The following TCF4 variants were observed in gnomAD, a reference collection of about 807,000 sequenced individuals.
The protein encoded by TCF4 is transcription factor 4, also known as SL3-3 enhancer factor 2.
A neutral mutation model predicts 82.1 loss-of-function variants in TCF4; 3 were observed. That is an observed-to-expected ratio of 0.04 (90% CI 0.02 to 0.09). The LOEUF (loss-of-function observed/expected upper bound fraction) is 0.09. Among genes scored for constraint, TCF4 ranks in the 10% least tolerant of loss-of-function variants. The pLI, the probability that TCF4 is intolerant of heterozygous loss-of-function variation, is 1.00. For synonymous variants in TCF4, 276 were observed against 309.6 expected (o/e 0.89, Z 1.14); for missense variants, 518 against 852.7 (o/e 0.61, Z 4.89).
intron 10 of TCF4, among the ~76,000 whole-genome samples, chr18:55,272,226 G>A (rs1179226941): frequency 6.6e-6 from 1 of 152,022 alleles, no homozygotes; most frequent in African/African-American, 2.4e-5. Flanking sequence ...TATTTTTAGA[G>A]ACTCATAGAA....
At chr18:55,554,330 A>T (rs955636872) in intron 3 of TCF4, among the ~76,000 whole-genome samples, 1 of 152,010 alleles carries the variant, frequency 6.6e-6, no homozygotes, top group Admixed American at 6.6e-5. Flanking sequence ...AATTTGAAAA[A>T]ATTTAATTTA....
intron 3 of TCF4, among the ~76,000 whole-genome samples, chr18:55,562,917 G>C (rs1352625814): frequency 6.6e-6 from 1 of 151,922 alleles, no homozygotes; most frequent in Non-Finnish European, 1.5e-5. Context: ...TACATAGAAA[G>C]AAAACAGACT....
chr18:55,498,033 G>C (rs1267663688), intron 3 of TCF4, among the ~76,000 whole-genome samples: 1 of 152,196 alleles, frequency 6.6e-6, no homozygotes, highest in Non-Finnish European at 1.5e-5. Flanking sequence ...TGACACACGT[G>C]GCCATGGGCA....
intron 6 of TCF4, chr18:55,400,887 A>AT (rs1191220526): frequency 9.0e-7 from 1 of 1,110,322 alleles, no homozygotes; most frequent in Non-Finnish European, 1.2e-6. Flanking sequence ...TTATAATACG[A>AT]TAAAGCAGCT....
intron 3 of TCF4, among the ~76,000 whole-genome samples, chr18:55,584,984 T>C (rs1401119222): frequency 6.6e-6 from 1 of 152,224 alleles, no homozygotes; most frequent in Non-Finnish European, 1.5e-5. Context: ...ATTCCCCATG[T>C]TAACACTGGT....
At chr18:55,286,796 C>T (rs1334303124) in intron 8 of TCF4, among the ~76,000 whole-genome samples, 1 of 152,174 alleles carries the variant, frequency 6.6e-6, no homozygotes, top group Non-Finnish European at 1.5e-5. Flanking sequence ...AAGAATCCTC[C>T]TTCACGTCCA....
chr18:55,494,201 A>C (rs1568220263), intron 3 of TCF4, among the ~76,000 whole-genome samples: 1 of 127,534 alleles, frequency 7.8e-6, no homozygotes, highest in Non-Finnish European at 1.8e-5. Flanking sequence ...AGGCATGTAC[A>C]ACCAGGAAGA....
chr18:55,249,701 T>A (rs942426464), intron 15 of TCF4, among the ~76,000 whole-genome samples: 1 of 152,144 alleles, frequency 6.6e-6, no homozygotes. Context: ...AATGAATAAA[T>A]AGACTTTAAA....
intron 6 of TCF4, among the ~76,000 whole-genome samples, chr18:55,382,687 T>C (rs1166987485): frequency 6.6e-6 from 1 of 152,174 alleles, no homozygotes; most frequent in Non-Finnish European, 1.5e-5. Context: ...TATCATCTAA[T>C]AATAAACATA....
At chr18:55,326,904 T>C (rs779987895) in intron 8 of TCF4, among the ~76,000 whole-genome samples, 5 of 152,186 alleles carry the variant, frequency 3.3e-5, no homozygotes, top group Non-Finnish European at 7.4e-5. Flanking sequence ...CCATGTGTCA[T>C]ATTCAACTTA....
chr18:55,413,477 G>T (rs905200678), intron 5 of TCF4, among the ~76,000 whole-genome samples: 1 of 152,162 alleles, frequency 6.6e-6, no homozygotes, highest in African/African-American at 2.4e-5. Flanking sequence ...AACTTCAAGA[G>T]AATGGGCCCA....
At chr18:55,284,685 C>T (rs963565111) in intron 8 of TCF4, among the ~76,000 whole-genome samples, 12 of 152,148 alleles carry the variant, frequency 7.9e-5, no homozygotes, top group African/African-American at 2.9e-4. Flanking sequence ...TTCAGAATCA[C>T]TGAAACGTTG....
At chr18:55,536,865 T>A (rs1247796173) in intron 3 of TCF4, among the ~76,000 whole-genome samples, 1 of 152,232 alleles carries the variant, frequency 6.6e-6, no homozygotes, top group African/African-American at 2.4e-5. Context: ...CCGGGTGTGG[T>A]GGCTCACGCC....
intron 15 of TCF4, among the ~76,000 whole-genome samples, chr18:55,246,768 C>T (rs1043558089): frequency 1.2e-4 from 18 of 151,308 alleles, no homozygotes; most frequent in African/African-American, 4.1e-4. Context: ...TCAAAACTTT[C>T]GGTTGAGGTT....
chr18:55,382,649 T>C (rs1383741587), intron 6 of TCF4, among the ~76,000 whole-genome samples: 1 of 152,080 alleles, frequency 6.6e-6, no homozygotes, highest in Non-Finnish European at 1.5e-5. Flanking sequence ...GATCACCTTG[T>C]TTTAATACTA....
At chr18:55,607,057 A>G (rs1235503646) in intron 2 of TCF4, among the ~76,000 whole-genome samples, 5 of 152,184 alleles carry the variant, frequency 3.3e-5, no homozygotes, top group African/African-American at 4.8e-5. Flanking sequence ...CACAGTAGGC[A>G]CAATGGGTAG....
intron 8 of TCF4, chr18:55,322,085 T>A: frequency 9.0e-7 from 1 of 1,109,836 alleles, no homozygotes. Flanking sequence ...TTTTTTCTTT[T>A]TCTTTTCTTT....
chr18:55,413,154 G>A (rs1461966790), intron 5 of TCF4, among the ~76,000 whole-genome samples: 4 of 151,970 alleles, frequency 2.6e-5, no homozygotes, highest in East Asian at 1.9e-4. Flanking sequence ...TGTTATATAC[G>A]GTATATAGAT....
At chr18:55,451,289 C>A (rs1484202491) in intron 5 of TCF4, among the ~76,000 whole-genome samples, 2 of 152,196 alleles carry the variant, frequency 1.3e-5, no homozygotes, top group African/African-American at 4.8e-5. Flanking sequence ...CACAGCAGAG[C>A]ACAGTGATTA....
Sources: gnomAD v4.1 joint callset for allele counts (sites outside exome capture counted in the v4.1 genomes callset) on GRCh38, gnomAD v4.1.1 for gene constraint, MANE v1.5 for transcripts, NCBI Gene and HGNC (gene_info 2026-07-23, HGNC 2026-07-21) for gene names.